HCN2: variants seen among roughly 807,000 people sequenced by gnomAD.
HCN2 encodes potassium/sodium hyperpolarization-activated cyclic nucleotide-gated channel 2.
A neutral mutation model predicts 52.3 loss-of-function variants in HCN2; 20 were observed. The ratio of observed to expected loss-of-function variants is 0.38; its 90% CI spans 0.27 to 0.56. HCN2 has a LOEUF of 0.56. Ranked by LOEUF, HCN2 falls within the 20% of genes least tolerant of loss-of-function variation. The probability of loss-of-function intolerance (pLI) is 0.71; values close to 1 mark genes in which losing one functional copy is unlikely to be tolerated. For synonymous variants in HCN2, 694 were observed against 537.0 expected (o/e 1.29, Z -4.04); for missense variants, 981 against 1,207.7 (o/e 0.81, Z 2.78).
Position 589,926 on chromosome 19 carries a change from C to G in HCN2, c.-20C>G, listed in dbSNP as rs1982810593. On this transcript the variant is annotated 5_prime_UTR_variant, in exon 1 of 8. Transcript: ENST00000251287. Reference sequence around the variant, plus strand: ...GCGGCGGCGGCGGCTCCGCTCCGCACTGCCCGGCGCCGCCTCGCCATGGAC... The same window carrying G: ...GCGGCGGCGGCGGCTCCGCTCCGCAGTGCCCGGCGCCGCCTCGCCATGGAC... 2.2e-6 allele frequency: 2 copies of G among 925,130 alleles called. No homozygotes were observed. Among genetic ancestry groups the G allele is most frequent in the Non-Finnish European group, 2.5e-6 (2 of 787,278 alleles). 57.3% of individuals were successfully genotyped at this position (925,130 alleles called of 1,614,324 possible).
intron 7 of HCN2, among the ~76,000 whole-genome samples, chr19:614,391 C>T (rs1983809125): frequency 6.6e-6 from 1 of 152,102 alleles, no homozygotes; most frequent in Non-Finnish European, 1.5e-5. Flanking sequence ...GACCCGGGGG[C>T]CCACTCAGAC....
chr19:613,058 G>A (rs1156273007), intron 5 of HCN2, among the ~76,000 whole-genome samples, 190 bp from the exon 6 acceptor site: 1 of 152,194 alleles, frequency 6.6e-6, no homozygotes, highest in East Asian at 1.9e-4. Context: ...GGTGTCAAAC[G>A]GCGAAGGGGC....
chr19:606,061 T>G (rs1983417314), intron 3 of HCN2, among the ~76,000 whole-genome samples: 1 of 152,178 alleles, frequency 6.6e-6, no homozygotes. Flanking sequence ...TTCCAATGGA[T>G]TTCCCTTTTA....
chr19:590,082 GC>G lies in HCN2; in HGVS notation c.141del (p.Ala50ArgfsTer212). ...PPPPPPAPPPGPGPAPPQHPP... is the reference protein window; with the variant it reads ...PPPPPPAPPPXPGPAPPQHPP... ...CCGCCGCCGCCCGCGCCCCCCCCGGGCCCCGGGCCCGCGCCCCCCCAGCACC... is the reference window on the plus strand; with the variant it reads ...CCGCCGCCGCCCGCGCCCCCCCCGGGCCCGGGCCCGCGCCCCCCCAGCACC... On this transcript the variant is annotated frameshift_variant, in exon 1 of 8. Transcript: ENST00000251287. LOFTEE classifies it high-confidence loss of function. This position sits in a 1 kb window ranked among gnomAD's most constrained non-coding sequence, Gnocchi z 7.2. 1.1e-5 allele frequency: 7 copies of G among 615,490 alleles called. No homozygotes were observed. Among genetic ancestry groups the G allele is most frequent in the Non-Finnish European group, 1.4e-5 (7 of 501,374 alleles). The allele number at this position is 615,490 out of a possible 1,614,324, so 38.1% of individuals were successfully genotyped here. A position where few individuals can be genotyped will look rare whatever the true frequency, so the allele number is the denominator to read the frequency against.
intron 7 of HCN2, 110 bp downstream of exon 7, chr19:614,126 G>A: frequency 1.4e-6 from 1 of 692,004 alleles, no homozygotes; most frequent in Non-Finnish European, 2.1e-6. Context: ...CGTGGCTGTG[G>A]CATCAGGGGC....
At chr19:613,175 G>A (rs917796269) in intron 5 of HCN2, 73 bp from the exon 6 acceptor site, 55 of 1,519,764 alleles carry the variant, frequency 3.6e-5, no homozygotes, top group Non-Finnish European at 4.4e-5. Context: ...GAGGTGAGCC[G>A]GTCCCAGAGG....
At chr19:605,628 C>T (rs373301611) in intron 3 of HCN2, among the ~76,000 whole-genome samples, 3 of 72,512 alleles carry the variant, frequency 4.1e-5, no homozygotes, top group South Asian at 8.1e-4. Context: ...GGGGAGGACT[C>T]GGGCCCTTAC....
intron 1 of HCN2, among the ~76,000 whole-genome samples, chr19:602,146 C>T (rs1165118008): frequency 5.1e-5 from 7 of 138,584 alleles, no homozygotes; most frequent in Admixed American, 1.4e-4. Flanking sequence ...TCTCCTCCTG[C>T]GTGGACGCCC....
rs894914501 is a variant in HCN2 at position 616,519 on chromosome 19, C to A, written c.*45C>A. On this transcript the variant is annotated 3_prime_UTR_variant, in exon 8 of 8. Coordinates refer to ENST00000251287, the MANE Select transcript of HCN2 (RefSeq NM_001194.4). ...GGGCCCAGGCGGGCCGGGGGCGGGGCCGTCATCCAGACCAAAGCCATGCCA... is the reference window on the plus strand; with the variant it reads ...GGGCCCAGGCGGGCCGGGGGCGGGGACGTCATCCAGACCAAAGCCATGCCA... 3 of 1,136,940 alleles carry A rather than the reference C, an allele frequency of 2.6e-6. No homozygotes were observed. Among genetic ancestry groups the A allele is most frequent in the South Asian group, 2.7e-5 (1 of 37,600 alleles). 70.4% of individuals were successfully genotyped at this position (1,136,940 alleles called of 1,614,324 possible).
chr19:599,345 G>C (rs934404203), intron 1 of HCN2, among the ~76,000 whole-genome samples: 2 of 152,192 alleles, frequency 1.3e-5, no homozygotes, highest in African/African-American at 2.4e-5. Flanking sequence ...GGTCCCGGCG[G>C]CCACGCCAGC....
In HCN2 at chr19:603,627, A is replaced by G. The variant is rs377170285; in HGVS notation, c.716A>G (p.Glu239Gly). ...IPVGITFFKD[E>G]TTAPWIVFNV... ...GTGGGCATCACCTTCTTCAAGGATG[A>G]GACCACTGCCCCGTGGATCGTGTTC... The change falls in exon 2 of 8, where the codon GAG (glutamate) becomes GGG (glycine). Residue 239 changes from glutamate to glycine, a missense_variant. Glu to Gly is a moderately conservative substitution (Grantham distance 98). Transcript: ENST00000251287. 2 of 1,612,152 alleles carry G rather than the reference A, an allele frequency of 1.2e-6. No homozygotes were observed. The highest frequency in any genetic ancestry group is 2.7e-5 in the African/African-American group (2 of 74,820).
intron 7 of HCN2, among the ~76,000 whole-genome samples, chr19:614,441 G>A (rs1054451736): frequency 3.3e-5 from 5 of 152,186 alleles, no homozygotes; most frequent in African/African-American, 7.2e-5. Context: ...AATCACACAC[G>A]ACTGGGCTGT....
Position 617,150 on chromosome 19 carries a change from T to G in HCN2, c.*676T>G. Reference sequence around the variant, plus strand: ...CCATTCCGCGCAATAAACGACAGCATTGGCGCCAAGCCTGGCCGCGTGTGA... The same window carrying G: ...CCATTCCGCGCAATAAACGACAGCAGTGGCGCCAAGCCTGGCCGCGTGTGA... On this transcript the variant is annotated 3_prime_UTR_variant, in exon 8 of 8. Transcript: ENST00000251287. 1 of 669,696 alleles carries G rather than the reference T, an allele frequency of 1.5e-6. No homozygotes were observed. 41.5% of individuals were successfully genotyped at this position (669,696 alleles called of 1,614,324 possible).
At chr19:615,342 T>C (rs935450603) in intron 7 of HCN2, among the ~76,000 whole-genome samples, 3 of 149,642 alleles carry the variant, frequency 2.0e-5, no homozygotes, top group Non-Finnish European at 4.4e-5. Flanking sequence ...ACCCCGTCTC[T>C]ACTAAAAAAA....
intron 4 of HCN2, 149 bp from the exon 5 acceptor site, chr19:610,110 G>A (rs1351175723): frequency 4.4e-6 from 4 of 899,564 alleles, no homozygotes; most frequent in Non-Finnish European, 5.2e-6. Context: ...CCGGGGGGCT[G>A]TCTGACCCAC....
At chr19:612,152 A>T (rs1377371175) in intron 5 of HCN2, among the ~76,000 whole-genome samples, 24 of 152,094 alleles carry the variant, frequency 1.6e-4, no homozygotes, top group African/African-American at 5.6e-4. Context: ...CTCAAAAAAA[A>T]AAAAAGTACC....
chr19:598,963 C>T (rs1387225518), intron 1 of HCN2, among the ~76,000 whole-genome samples: 6 of 152,006 alleles, frequency 3.9e-5, no homozygotes, highest in Non-Finnish European at 7.4e-5. Flanking sequence ...TGGGGGGTGT[C>T]CCGAAGGCTC....
chr19:611,734 T>C (rs1983645407), intron 5 of HCN2, among the ~76,000 whole-genome samples: 1 of 152,174 alleles, frequency 6.6e-6, no homozygotes, highest in Admixed American at 6.5e-5. Context: ...AACATTCTCA[T>C]GGGCCCAAAA....
chr19:595,268 G>A (rs1419403325), intron 1 of HCN2, among the ~76,000 whole-genome samples: 1 of 151,040 alleles, frequency 6.6e-6, no homozygotes, highest in Non-Finnish European at 1.5e-5. Context: ...CACTCACTTG[G>A]GCCGGGCCCT....
Sources: allele counts gnomAD v4.1 joint callset (sites outside exome capture counted in the v4.1 genomes callset), GRCh38; gene constraint gnomAD v4.1.1; non-coding constraint Gnocchi (gnomAD v3.1); transcripts MANE v1.5; gene names NCBI Gene and HGNC (gene_info 2026-07-23, HGNC 2026-07-21).